MMS22L: variants seen among roughly 807,000 people sequenced by gnomAD.
MMS22L encodes the protein MMS22 like, DNA repair protein, also known as protein MMS22-like.
A neutral mutation model predicts 159.1 loss-of-function variants in MMS22L; 74 were observed. The ratio of observed to expected loss-of-function variants is 0.47; its 90% CI spans 0.39 to 0.56. The LOEUF (loss-of-function observed/expected upper bound fraction) is 0.56. MMS22L is among the 20% of genes least tolerant of loss of function. The probability of loss-of-function intolerance (pLI) is 0.00; values close to 1 mark genes in which losing one functional copy is unlikely to be tolerated. For synonymous variants in MMS22L, 517 were observed against 506.9 expected, an observed-to-expected ratio of 1.02 and a Z score of -0.27; for missense variants, 1,351 against 1,422.1, an observed-to-expected ratio of 0.95 and a Z score of 0.80.
At chr6:97,207,877 T>C (rs1030955037) in intron 14 of MMS22L, among the ~76,000 whole-genome samples, 2 of 151,976 alleles carry the variant, frequency 1.3e-5, no homozygotes, top group African/African-American at 4.8e-5. Flanking sequence ...TGGCTGAAAC[T>C]GAAGAAAAAA....
chr6:97,168,021 A>C, intron 20 of MMS22L, 50 bp downstream of exon 20: 1 of 1,448,454 alleles, frequency 6.9e-7, no homozygotes, highest in Non-Finnish European at 9.3e-7. Flanking sequence ...TTTTAAGGCA[A>C]AGTTTCAATA....
At chr6:97,232,199 A>G (rs905286852) in intron 12 of MMS22L, among the ~76,000 whole-genome samples, 3 of 152,158 alleles carry the variant, frequency 2.0e-5, no homozygotes, top group Non-Finnish European at 2.9e-5. Flanking sequence ...AAAAAGGCAC[A>G]TAAGTTCTGA....
rs368996014 is a variant in MMS22L, at chr6:97,162,510, T to C, written c.3222-345A>G. Reference sequence around the variant, plus strand: ...TCTAATACAAGTCTGATCTCCTCCATTGGGTCCTCAATGCCGCAACATTTT... The same window carrying C: ...TCTAATACAAGTCTGATCTCCTCCACTGGGTCCTCAATGCCGCAACATTTT... On this transcript the variant is annotated intron_variant, in intron 21 of 24. Transcript: ENST00000683635. 6.2e-4 allele frequency among the ~76,000 whole-genome samples: 94 copies of C among 152,020 alleles called. 2 individuals carry two copies. The South Asian group carries it at 0.018, about 29-fold the overall frequency.
At chr6:97,274,264 T>C (rs144970269) in intron 4 of MMS22L, among the ~76,000 whole-genome samples, 1 of 152,304 alleles carries the variant, frequency 6.6e-6, no homozygotes, top group East Asian at 1.9e-4. Context: ...TGTGGCAGAA[T>C]AGAAGCATAA....
At chr6:97,173,961 T>C (rs1803835969) in intron 18 of MMS22L, among the ~76,000 whole-genome samples, 1 of 139,350 alleles carries the variant, frequency 7.2e-6, no homozygotes, top group African/African-American at 2.9e-5. Context: ...TTAGAAAGTT[T>C]AAGGAAAGTG....
rs1197959067 is a variant in MMS22L, at chr6:97,263,357, C to A, written c.920G>T (p.Arg307Ile). 1.3e-6 allele frequency: 2 copies of A among 1,587,658 alleles called. No homozygotes were observed. The highest frequency in any genetic ancestry group is 1.7e-6 in the Non-Finnish European group (2 of 1,169,760). Residue 307 changes from arginine (R) to isoleucine (I), a missense_variant, in exon 9 of 25, where the codon AGA becomes ATA. Transcript: ENST00000683635. The stretch of plus-strand genomic sequence containing the variant: ...TACTTCCGAGACAAACCATTTACTT[C>A]TGTGGTCTAGAAGATGAATAAGTAG... ...WVLLIHLLDHRSKWFVSESFW... is the reference protein window; with the variant it reads ...WVLLIHLLDHISKWFVSESFW...
At chr6:97,176,824 T>C (rs770225651) in intron 18 of MMS22L, among the ~76,000 whole-genome samples, 22 of 152,174 alleles carry the variant, frequency 1.4e-4, no homozygotes, top group South Asian at 2.1e-4. Context: ...TCATGCATCT[T>C]TTCCTTTTGC....
intron 22 of MMS22L, among the ~76,000 whole-genome samples, chr6:97,153,364 C>CTTTTTTTT (rs59258093): frequency 2.6e-5 from 2 of 78,108 alleles, no homozygotes; most frequent in Non-Finnish European, 4.6e-5. Context: ...CTCTACAGAT[C>CTTTTTTTT]TTTTTTTTTT....
intron 21 of MMS22L, 48 bp from the exon 22 acceptor site, chr6:97,162,213 A>C (rs1326403528): frequency 1.3e-6 from 2 of 1,517,310 alleles, no homozygotes; most frequent in African/African-American, 2.8e-5. Context: ...GCTTCAATAG[A>C]GCAAGACCAA....
At chr6:97,231,680 A>G in intron 12 of MMS22L, 28 bp from the exon 13 acceptor site, 1 of 1,479,220 alleles carries the variant, frequency 6.8e-7, no homozygotes, top group Non-Finnish European at 9.4e-7. Flanking sequence ...AAAGATAGAA[A>G]ACAATTATTA....
chr6:97,179,478 C>T lies in MMS22L; in HGVS notation c.2466G>A (p.Leu822=), dbSNP rs766832524. 2 of 1,613,482 alleles carry T rather than the reference C, an allele frequency of 1.2e-6. No homozygotes were observed. The highest frequency in any genetic ancestry group is 3.3e-5 in the Admixed American group (2 of 59,960). The stretch of plus-strand genomic sequence containing the variant: ...CAGAGAGGTTTTTAATATACATTTG[C>T]AAAACACAACGAATCCATGATCTTA... The part of the protein sequence containing the change: ...LTVRSWIRCV[L]QMYIKNLSGP... The change falls in exon 17 of 25, where the codon TTG becomes TTA. Residue 822 remains leucine (L), a synonymous_variant. Transcript: ENST00000683635.
At chr6:97,169,587 CA>C (rs1803315156) in intron 19 of MMS22L, among the ~76,000 whole-genome samples, 1 of 152,036 alleles carries the variant, frequency 6.6e-6, no homozygotes, top group Non-Finnish European at 1.5e-5. Flanking sequence ...CTTTTAAGAA[CA>C]AACAGCAACA....
intron 18 of MMS22L, among the ~76,000 whole-genome samples, chr6:97,178,198 TTTTGTGGTATTCTTTAGTTTTA>T (rs1238725989): frequency 6.6e-6 from 1 of 152,164 alleles, no homozygotes; most frequent in African/African-American, 2.4e-5. Flanking sequence ...AGTAAAGCTT[TTTTGTGGTATTCTTTAGTTTTA>T]TTATTCTTCA....
intron 24 of MMS22L, among the ~76,000 whole-genome samples, chr6:97,148,557 CA>C (rs1801027997): frequency 6.6e-6 from 1 of 150,920 alleles, no homozygotes; most frequent in Non-Finnish European, 1.5e-5. Context: ...TCATTTTTTA[CA>C]AAATAGTTTA....
At chr6:97,255,712 CTTCT>C (rs930698288) in intron 9 of MMS22L, among the ~76,000 whole-genome samples, 11 of 152,106 alleles carry the variant, frequency 7.2e-5, no homozygotes, top group African/African-American at 2.4e-4. Context: ...TCCATCATCT[CTTCT>C]TTAACTTATG....
Position 97,208,962 on chromosome 6 carries a change from A to G in MMS22L, c.2039+19932T>C, listed in dbSNP as rs567282820. Among the ~76,000 whole-genome samples, 11 of 151,608 alleles carry G rather than the reference A, an allele frequency of 7.3e-5. No homozygotes were observed. The East Asian group carries it at 2.1e-3, about 29-fold the overall frequency. Reference sequence around the variant, plus strand: ...CTCCTGTTTTAGCATTTTTTTCCTCACTTCTCTTCTTCAACAACTTAGGTA... The same window carrying G: ...CTCCTGTTTTAGCATTTTTTTCCTCGCTTCTCTTCTTCAACAACTTAGGTA... On this transcript the variant is annotated intron_variant, in intron 14 of 24. Transcript: ENST00000683635.
At chr6:97,217,348 C>T (rs1448269561) in intron 14 of MMS22L, among the ~76,000 whole-genome samples, 1 of 152,186 alleles carries the variant, frequency 6.6e-6, no homozygotes, top group East Asian at 1.9e-4. Flanking sequence ...CAGGTTCAAG[C>T]GATTCTCCTG....
At position 97,228,900 on chromosome 6, in the gene MMS22L, C is replaced by T; in HGVS notation, c.2033G>A (p.Arg678Lys). 1 of 1,606,138 alleles carries T rather than the reference C, an allele frequency of 6.2e-7. No individual in the cohort carries two copies. ...VLSFLQAVLA[R>K]IRSMHQQLCQ... is the part of the protein sequence containing the mutation. ...ATACAACTGAAAACCATACCTGATT[C>T]TGGCCAGAACAGCTTGTAGGAAGCT... Residue 678 changes from arginine to lysine, a missense_variant, in exon 14 of 25, where the codon AGA becomes AAA. Coordinates refer to ENST00000683635, the MANE Select transcript of MMS22L (RefSeq NM_001350599.2).
In MMS22L at chr6:97,189,241, A is replaced by G. The variant is rs552464386; in HGVS notation, c.2040-2551T>C. On this transcript the variant is annotated intron_variant, in intron 14 of 24. Coordinates refer to ENST00000683635, the MANE Select transcript of MMS22L (RefSeq NM_001350599.2). ...ATGAGCTAACGTGGGGATAGGACTCAAAGTTCTGAATCCATTAGGTTTAAA... is the reference window on the plus strand; with the variant it reads ...ATGAGCTAACGTGGGGATAGGACTCGAAGTTCTGAATCCATTAGGTTTAAA... Among the ~76,000 whole-genome samples the G allele has an allele frequency of 4.1e-5, 6 of 145,248 alleles. No individual in the cohort carries two copies. In the South Asian group the frequency reaches 1.1e-3, roughly 28 times the overall value.
Sources: gnomAD v4.1 joint callset for allele counts (sites outside exome capture counted in the v4.1 genomes callset) on GRCh38, gnomAD v4.1.1 for gene constraint, MANE v1.5 for transcripts, NCBI Gene and HGNC (gene_info 2026-07-23, HGNC 2026-07-21) for gene names.